The following DARS2 variants were observed in gnomAD, a reference collection of about 807,000 sequenced individuals.
DARS2 encodes the protein aspartyl-tRNA synthetase 2, mitochondrial.
A neutral mutation model predicts 83.0 loss-of-function variants in DARS2; 63 were observed. The ratio of observed to expected loss-of-function variants is 0.76; its 90% CI spans 0.62 to 0.94. The LOEUF (loss-of-function observed/expected upper bound fraction) is 0.94, where lower values mean the gene tolerates loss of function less well. Ranked by LOEUF, DARS2 falls within the 40% of genes least tolerant of loss-of-function variation. DARS2 has a pLI of 0.00. For synonymous variants in DARS2, 250 were observed against 269.3 expected (o/e 0.93, Z 0.70); for missense variants, 675 against 774.4 (o/e 0.87, Z 1.52).
chr1:173,842,920 C>CA (rs1653284217), intron 11 of DARS2, among the ~76,000 whole-genome samples: 1 of 133,918 alleles, frequency 7.5e-6, no homozygotes. Flanking sequence ...GCCTGAGCAA[C>CA]AGAGCAACAC....
At position 173,828,420 on chromosome 1, in the gene DARS2, A is replaced by G. The variant is rs775562810; in HGVS notation, c.294+21A>G. 1.0e-5 allele frequency: 16 copies of G among 1,604,068 alleles called. No homozygotes were observed. The South Asian group carries it at 1.7e-4, about 17-fold the overall frequency. On this transcript the variant is annotated intron_variant, in intron 3 of 16. Transcript: ENST00000649689. ...ATGAGGTAATAGAAAATTTCCTGTT[A>G]TTATCTAAAAGCTTCTTTGATGCTA...
At chr1:173,850,234 G>A in intron 12 of DARS2, 93 bp from the exon 13 acceptor site, 1 of 1,351,786 alleles carries the variant, frequency 7.4e-7, no homozygotes, top group Non-Finnish European at 1.0e-6. Flanking sequence ...CTCTTCTATT[G>A]GGAACCGGAA....
At chr1:173,834,732 GTTTTTTT>G in intron 7 of DARS2, among the ~76,000 whole-genome samples, 2 of 21,680 alleles carry the variant, frequency 9.2e-5, no homozygotes, top group African/African-American at 1.8e-4. Flanking sequence ...GAGTTTTTTT[GTTTTTTT>G]TTTTTTTTTT....
At chr1:173,850,996 G>T (rs1653642100) in intron 13 of DARS2, among the ~76,000 whole-genome samples, 1 of 151,946 alleles carries the variant, frequency 6.6e-6, no homozygotes, top group African/African-American at 2.4e-5. Context: ...CCAGCACTTT[G>T]GGAGGCCGAG....
At chr1:173,847,409 A>C (rs566726875) in intron 12 of DARS2, among the ~76,000 whole-genome samples, 149 of 152,210 alleles carry the variant, frequency 9.8e-4, no homozygotes, top group African/African-American at 3.4e-3. Context: ...CTTTCAGTTG[A>C]TGGGACTATT....
chr1:173,845,839 T>G (rs981452343), intron 12 of DARS2, among the ~76,000 whole-genome samples: 9 of 151,936 alleles, frequency 5.9e-5, no homozygotes, highest in African/African-American at 2.2e-4. Flanking sequence ...CTGGCCAATA[T>G]GGCGAAACCC....
intron 13 of DARS2, chr1:173,852,254 C>T: frequency 2.0e-6 from 2 of 985,304 alleles, no homozygotes; most frequent in Non-Finnish European, 2.4e-6. Flanking sequence ...GGAAGTCCTG[C>T]ATACCATAGG....
At chr1:173,844,990 C>T (rs1448056025) in intron 11 of DARS2, among the ~76,000 whole-genome samples, 2 of 151,706 alleles carry the variant, frequency 1.3e-5, no homozygotes, top group Non-Finnish European at 2.9e-5. Context: ...GACGGGGTTT[C>T]ACCATGTTGG....
intron 11 of DARS2, among the ~76,000 whole-genome samples, chr1:173,842,284 C>CATTTTTTTTTT (rs1653251327): frequency 1.6e-5 from 1 of 64,224 alleles, no homozygotes; most frequent in Non-Finnish European, 2.7e-5. Flanking sequence ...TCATTACTTT[C>CATTTTTTTTTT]TTTTTTTTTT....
rs990972782 is a variant in DARS2 at position 173,857,992 on chromosome 1, T to C, written c.*287T>C. 28 of 406,622 alleles carry C rather than the reference T, an allele frequency of 6.9e-5. No individual in the cohort carries two copies. The highest frequency in any genetic ancestry group is 1.1e-4 in the Non-Finnish European group (23 of 216,108). 25.2% of individuals were successfully genotyped at this position (406,622 alleles called of 1,614,324 possible). ...GTTGAAATAATATAGTGGTTTAGTG[T>C]TTTCAAATCATGTTTCTCATACCCA... On this transcript the variant is annotated 3_prime_UTR_variant, in exon 17 of 17. Coordinates refer to ENST00000649689, the MANE Select transcript of DARS2 (RefSeq NM_018122.5).
In DARS2 at chr1:173,826,597, T is replaced by C. The variant is rs1004375653; in HGVS notation, c.128-90T>C. The C allele has an allele frequency of 4.6e-5, 41 of 886,808 alleles. No homozygotes were observed. The Middle Eastern group carries it at 7.0e-4, about 15-fold the overall frequency. The allele number at this position is 886,808 out of a possible 1,614,324, so 54.9% of individuals were successfully genotyped here. On this transcript the variant is annotated intron_variant, in intron 1 of 16. Transcript: ENST00000649689. ...CTGTAGCCCTGACATACCTAAGATA[T>C]ATTTTGAGAATTTTCATTTTTAAGC... is the stretch of plus-strand genomic sequence containing the variant.
At chr1:173,856,535 T>G in intron 15 of DARS2, 131 bp from the exon 16 acceptor site, 1 of 757,716 alleles carries the variant, frequency 1.3e-6, no homozygotes, top group Non-Finnish European at 2.2e-6. Context: ...CAATAAACTT[T>G]TATTATTGGT....
At chr1:173,839,310 A>G in intron 9 of DARS2, 57 bp from the exon 10 acceptor site, 1 of 1,517,662 alleles carries the variant, frequency 6.6e-7, no homozygotes, top group Non-Finnish European at 9.1e-7. Flanking sequence ...GCAGAAAAAT[A>G]TATAAATGTG....
intron 11 of DARS2, among the ~76,000 whole-genome samples, chr1:173,843,515 G>A (rs1653310673): frequency 6.6e-6 from 1 of 151,896 alleles, no homozygotes; most frequent in African/African-American, 2.4e-5. Flanking sequence ...ATCTGAGATT[G>A]CCTCACTGCA....
Position 173,826,750 on chromosome 1 carries a change from A to G in DARS2, c.191A>G (p.Gln64Arg). The part of the protein sequence containing the change: ...CGELRSSHLG[Q>R]EVTLCGWIQY... The stretch of plus-strand genomic sequence containing the variant: ...GAGTTGCGTTCGTCTCACTTAGGCC[A>G]AGAAGTCACCTTGTGTGGATGGATT... Residue 64 changes from glutamine (Q) to arginine (R), a missense_variant, in exon 2 of 17, where the codon CAA (glutamine) becomes CGA (arginine). Gln to Arg is a conservative substitution (Grantham distance 43). Coordinates refer to ENST00000649689, the MANE Select transcript of DARS2 (RefSeq NM_018122.5). The G allele has an allele frequency of 5.0e-6, 8 of 1,613,574 alleles. No homozygotes were observed. The highest frequency in any genetic ancestry group is 6.8e-6 in the Non-Finnish European group (8 of 1,179,876).
chr1:173,844,483 A>C (rs1653341273), intron 11 of DARS2, among the ~76,000 whole-genome samples: 1 of 151,758 alleles, frequency 6.6e-6, no homozygotes, highest in Non-Finnish European at 1.5e-5. Flanking sequence ...CAGCCTGGCC[A>C]ATATGGTGAA....
chr1:173,850,610 T>TG (rs1028046662), intron 13 of DARS2, 131 bp downstream of exon 13: 5 of 1,080,678 alleles, frequency 4.6e-6, no homozygotes, highest in African/African-American at 1.6e-5. Context: ...TAAATCTTTT[T>TG]TTTTTTTTTT....
chr1:173,857,192 C>G (rs1653886158), intron 16 of DARS2, among the ~76,000 whole-genome samples: 1 of 152,138 alleles, frequency 6.6e-6, no homozygotes, highest in Non-Finnish European at 1.5e-5. Flanking sequence ...ACAGGGACTT[C>G]CTTCTGTGTT....
At chr1:173,853,198 A>T in intron 13 of DARS2, 151 bp from the exon 14 acceptor site, 1 of 758,066 alleles carries the variant, frequency 1.3e-6, no homozygotes. Flanking sequence ...ACTTATCCTC[A>T]GATCTTTGTG....
Sources: allele counts gnomAD v4.1 joint callset (sites outside exome capture counted in the v4.1 genomes callset), GRCh38; gene constraint gnomAD v4.1.1; transcripts MANE v1.5; gene names NCBI Gene and HGNC (gene_info 2026-07-23, HGNC 2026-07-21).